The following ESRRG variants were observed in gnomAD, a reference collection of about 807,000 sequenced individuals.
The protein encoded by ESRRG is estrogen-related receptor gamma.
A neutral mutation model predicts 44.0 loss-of-function variants in ESRRG; 13 were observed. The ratio of observed to expected loss-of-function variants is 0.30; its 90% CI spans 0.19 to 0.47. The LOEUF (loss-of-function observed/expected upper bound fraction) is 0.47. ESRRG is among the 20% of genes least tolerant of loss of function. The pLI, the probability that ESRRG is intolerant of heterozygous loss-of-function variation, is 1.00. For synonymous variants in ESRRG, 215 were observed against 214.6 expected, an observed-to-expected ratio of 1.00 and a Z score of -0.02; for missense variants, 395 against 580.6, an observed-to-expected ratio of 0.68 and a Z score of 3.29.
chr1:216,849,539 C>T (rs12402871), intron 2 of ESRRG, among the ~76,000 whole-genome samples: 31,572 of 151,888 alleles, frequency 0.21, 3,457 homozygotes, highest in African/African-American at 0.25. Context: ...TGATAGCAAA[C>T]GAACAGAAAT....
rs527469927 is a variant in ESRRG, at chr1:216,584,313, G to C, written c.590-16215C>G. ...GTTCTGTTGCCCAGGCTGGAGTGCA[G>C]TGGCGTGATCTCGGCTCACTGCAGG... On this transcript the variant is annotated intron_variant, in intron 3 of 6. Coordinates refer to ENST00000408911, the MANE Select transcript of ESRRG (RefSeq NM_001438.4). Among the ~76,000 whole-genome samples, 375 of 150,516 alleles carry C rather than the reference G, an allele frequency of 2.5e-3. 3 individuals carry two copies. Among genetic ancestry groups the C allele is most frequent in the African/African-American group, 8.6e-3 (352 of 40,918 alleles).
chr1:216,804,085 C>T (rs1456112087), intron 2 of ESRRG, among the ~76,000 whole-genome samples: 5 of 152,066 alleles, frequency 3.3e-5, no homozygotes, highest in Admixed American at 1.3e-4. Flanking sequence ...ACCAAGCAAG[C>T]AGTACTTCCC....
chr1:216,610,491 G>T (rs116541837), intron 3 of ESRRG, among the ~76,000 whole-genome samples: 248 of 152,154 alleles, frequency 1.6e-3, no homozygotes, highest in African/African-American at 5.8e-3. Context: ...AACAGTCTCT[G>T]ATCGTTAGTG....
chr1:216,519,658 T>C (rs1006581211), intron 5 of ESRRG, among the ~76,000 whole-genome samples: 3 of 152,026 alleles, frequency 2.0e-5, no homozygotes, highest in African/African-American at 7.2e-5. Flanking sequence ...TAGGGGAATA[T>C]AATAGAGATG....
chr1:216,673,399 C>T (rs2075561464), intron 2 of ESRRG, among the ~76,000 whole-genome samples: 1 of 152,216 alleles, frequency 6.6e-6, no homozygotes, highest in South Asian at 2.1e-4. Context: ...ATGTAGCTAG[C>T]AGGGTAGCCT....
upstream of ESRRG, chr1:216,723,617 C>A: frequency 2.8e-6 from 1 of 355,646 alleles, no homozygotes; most frequent in Admixed American, 4.5e-5. Flanking sequence ...GTGCAGAGAG[C>A]CGAAGGGGGC....
intron 5 of ESRRG, among the ~76,000 whole-genome samples, chr1:216,527,128 A>T (rs2047904753): frequency 6.6e-6 from 1 of 152,210 alleles, no homozygotes; most frequent in Non-Finnish European, 1.5e-5. Context: ...AGTGGATAAG[A>T]CCATAACAAC....
chr1:217,132,333 A>G (rs926155104), intron 1 of ESRRG, among the ~76,000 whole-genome samples: 2 of 152,040 alleles, frequency 1.3e-5, no homozygotes, highest in African/African-American at 2.4e-5. Flanking sequence ...TCTAGCTGGG[A>G]AAAGGGAGAG....
chr1:216,645,906 A>C (rs1264164735), intron 3 of ESRRG, among the ~76,000 whole-genome samples: 1 of 150,672 alleles, frequency 6.6e-6, no homozygotes, highest in Non-Finnish European at 1.5e-5. Context: ...GCCCACAAAA[A>C]TTTACTTATG....
chr1:216,598,518 C>T (rs1354495167), intron 3 of ESRRG, among the ~76,000 whole-genome samples: 1 of 152,154 alleles, frequency 6.6e-6, no homozygotes. Flanking sequence ...TTAGAAGCAA[C>T]AATGAGCAGG....
At chr1:216,771,816 GTTTTTT>G (rs72464828) in intron 2 of ESRRG, among the ~76,000 whole-genome samples, 12 of 128,138 alleles carry the variant, frequency 9.4e-5, no homozygotes, top group African/African-American at 3.5e-4. Context: ...AGTTTGTGGT[GTTTTTT>G]TTTTTTTTTT....
intron 1 of ESRRG, among the ~76,000 whole-genome samples, chr1:216,970,938 A>G (rs867294373): frequency 1.3e-5 from 2 of 152,186 alleles, no homozygotes; most frequent in African/African-American, 2.4e-5. Context: ...AGGCACAGAG[A>G]ATAAATCCAA....
chr1:216,852,221 A>G (rs2095853145), intron 2 of ESRRG, among the ~76,000 whole-genome samples: 1 of 152,202 alleles, frequency 6.6e-6, no homozygotes, highest in African/African-American at 2.4e-5. Context: ...TAAAGAGATT[A>G]GTGATAAAGG....
In ESRRG at chr1:217,006,153, G is replaced by A. The variant is rs114623912; in HGVS notation, c.-105-66480C>T. The stretch of plus-strand genomic sequence containing the variant: ...GACTTCTTGTGTATTCTACAATACA[G>A]TGTAGAAAAATAAACATACACTCAA... On this transcript the variant is annotated intron_variant, in intron 1 of 7. Coordinates refer to the ESRRG transcript ENST00000359162. Among the ~76,000 whole-genome samples the A allele has an allele frequency of 6.9e-3, 1,048 of 152,140 alleles. 1 individual carries two copies. The highest frequency in any genetic ancestry group is 0.012 in the Non-Finnish European group (785 of 67,958).
intron 6 of ESRRG, among the ~76,000 whole-genome samples, chr1:216,507,687 C>G (rs1466213734): frequency 6.6e-6 from 1 of 152,194 alleles, no homozygotes; most frequent in Non-Finnish European, 1.5e-5. Context: ...TACATTGAAT[C>G]TAGCACTATA....
At position 216,519,239 on chromosome 1, in the gene ESRRG, T is replaced by G; in HGVS notation, c.1045A>C (p.Ile349Leu). ...LAGLLDLNNA[I>L]LQLVKKYKSM... ...TTGTATTTCTTTACCAGCTGCAGGA[T>G]AGCATTATTTAGATCAAGAAGGCCT... Residue 349 changes from isoleucine to leucine, a missense_variant, in exon 6 of 7, where the codon ATC (isoleucine) becomes CTC (leucine). Physicochemically the swap from Ile to Leu is conservative, Grantham distance 5. Coordinates refer to ENST00000408911, the MANE Select transcript of ESRRG (RefSeq NM_001438.4). 2 of 1,613,714 alleles carry G rather than the reference T, an allele frequency of 1.2e-6. No homozygotes were observed. The highest frequency in any genetic ancestry group is 1.7e-6 in the Non-Finnish European group (2 of 1,179,698).
intron 5 of ESRRG, among the ~76,000 whole-genome samples, chr1:216,547,381 C>T (rs1477479397): frequency 6.6e-6 from 1 of 151,960 alleles, no homozygotes; most frequent in Non-Finnish European, 1.5e-5. Context: ...AATGTTAGTC[C>T]ATTTGTTTGA....
chr1:217,093,743 AC>A (rs2092384098), upstream of ESRRG, among the ~76,000 whole-genome samples: 4 of 151,782 alleles, frequency 2.6e-5, no homozygotes. Context: ...TGATCGCACC[AC>A]TGCACTCCAG....
chr1:216,546,479 C>T (rs1238089264), intron 5 of ESRRG, among the ~76,000 whole-genome samples: 1 of 152,072 alleles, frequency 6.6e-6, no homozygotes, highest in Non-Finnish European at 1.5e-5. Flanking sequence ...GTGCAAACTG[C>T]AGGAAGCCAT....
Sources: allele counts gnomAD v4.1 joint callset (sites outside exome capture counted in the v4.1 genomes callset), GRCh38; gene constraint gnomAD v4.1.1; transcripts MANE v1.5; gene names NCBI Gene and HGNC (gene_info 2026-07-23, HGNC 2026-07-21).